DPYS: variants seen among roughly 807,000 people sequenced by gnomAD.
The protein encoded by DPYS is dihydropyrimidine amidohydrolase.
DPYS carries 39 observed loss-of-function variants against 50.3 expected under a neutral mutation model. The ratio of observed to expected loss-of-function variants is 0.78; its 90% CI spans 0.60 to 1.01. The LOEUF is 1.01. Among genes scored for constraint, DPYS ranks in the 50% least tolerant of loss-of-function variants. DPYS has a pLI of 0.00. For missense variants in DPYS, 659 were observed against 680.9 expected (o/e 0.97, Z 0.36); for synonymous variants, 245 against 250.7 (o/e 0.98, Z 0.22).
At position 104,381,076 on chromosome 8, in the gene DPYS, T is replaced by C. The variant is rs1588390183; in HGVS notation, c.*14+108A>G. 2.7e-5 allele frequency: 25 copies of C among 919,476 alleles called. No individual in the cohort carries two copies. The East Asian group carries it at 5.9e-4, about 22-fold the overall frequency. The allele number at this position is 919,476 out of a possible 1,614,324, so 57.0% of individuals were successfully genotyped here. A position where few individuals can be genotyped will look rare whatever the true frequency, so the allele number is the denominator to read the frequency against. ...CCTTGGCTCAATTGTCCTTGAGTCT[T>C]GGATCACTGTGAAGCCTCTGACCTT... is the stretch of plus-strand genomic sequence containing the variant. On this transcript the variant is annotated intron_variant, in intron 9 of 9. Transcript: ENST00000351513.
intron 7 of DPYS, among the ~76,000 whole-genome samples, chr8:104,401,708 T>G (rs960991420): frequency 6.6e-6 from 1 of 152,200 alleles, no homozygotes; most frequent in Admixed American, 6.5e-5. Context: ...GAAGACTTTT[T>G]CTAAGTGTGT....
Position 104,447,351 on chromosome 8 carries a change from A to G in DPYS, c.576T>C (p.His192=), listed in dbSNP as rs772116966. 3 of 1,614,012 alleles carry G rather than the reference A, an allele frequency of 1.9e-6. No individual in the cohort carries two copies. Among genetic ancestry groups the G allele is most frequent in the African/African-American group, 2.7e-5 (2 of 74,924 alleles). Residue 192 remains histidine, a synonymous_variant, in exon 3 of 10, where the codon CAT becomes CAC. Transcript: ENST00000351513. ...CTGCAATTAAGTCTCCATTTTCCGC[A>G]TGGACCTGGGCAATTGCTCCAATTT... The part of the protein sequence containing the change: ...CKEIGAIAQV[H]AENGDLIAEG...
chr8:104,463,959 G>A (rs891891496), intron 1 of DPYS, among the ~76,000 whole-genome samples: 4 of 152,162 alleles, frequency 2.6e-5, no homozygotes, highest in Non-Finnish European at 5.9e-5. Context: ...CTGTTTCGGG[G>A]GGTGGGAGTG....
chr8:104,405,626 G>A (rs1375370527), intron 7 of DPYS, among the ~76,000 whole-genome samples: 1 of 152,202 alleles, frequency 6.6e-6, no homozygotes, highest in East Asian at 1.9e-4. Context: ...TGTATGGTTT[G>A]AGCTTTGGCC....
chr8:104,466,096 C>T (rs1246440062), intron 1 of DPYS, among the ~76,000 whole-genome samples: 1 of 152,088 alleles, frequency 6.6e-6, no homozygotes, highest in Non-Finnish European at 1.5e-5. Context: ...GGGACGGGAA[C>T]GTGAACACGG....
chr8:104,427,795 C>T (rs942001752), intron 6 of DPYS, among the ~76,000 whole-genome samples, 185 bp downstream of exon 6: 11 of 152,180 alleles, frequency 7.2e-5, no homozygotes, highest in African/African-American at 2.4e-4. Context: ...AAGATTATTT[C>T]TTTGCTGATG....
Position 104,429,603 on chromosome 8 carries a change from C to A in DPYS, c.892G>T (p.Gly298Cys). ...GAGGGGTCTGGTCGCAAAGGTGGACCCATGACATGGTGGGCTGCATGGTGC... is the reference window on the plus strand; with the variant it reads ...GAGGGGTCTGGTCGCAAAGGTGGACACATGACATGGTGGGCTGCATGGTGC... ...EWHHAAHHVM[G>C]PPLRPDPSTP... is the part of the protein sequence containing the mutation. The change falls in exon 5 of 10, where the codon GGT (glycine) becomes TGT (cysteine). Residue 298 changes from glycine (G) to cysteine (C), a missense_variant. Coordinates refer to ENST00000351513, the MANE Select transcript of DPYS (RefSeq NM_001385.3). The A allele has an allele frequency of 6.2e-7, 1 of 1,614,036 alleles. No individual in the cohort carries two copies. Among genetic ancestry groups the A allele is most frequent in the Non-Finnish European group, 8.5e-7 (1 of 1,179,994 alleles).
intron 7 of DPYS, among the ~76,000 whole-genome samples, chr8:104,393,845 G>T (rs140236989): frequency 1.3e-5 from 2 of 152,124 alleles, no homozygotes; most frequent in African/African-American, 4.8e-5. Flanking sequence ...GGAACAGGTG[G>T]TATTTGGTTA....
At chr8:104,432,304 G>A (rs1456750576) in intron 4 of DPYS, among the ~76,000 whole-genome samples, 1 of 152,182 alleles carries the variant, frequency 6.6e-6, no homozygotes, top group East Asian at 1.9e-4. Flanking sequence ...AGATTTCCCA[G>A]TAATGAAGCA....
At chr8:104,416,735 C>A (rs1360212338) in intron 7 of DPYS, among the ~76,000 whole-genome samples, 1 of 152,082 alleles carries the variant, frequency 6.6e-6, no homozygotes, top group Non-Finnish European at 1.5e-5. Flanking sequence ...TCAGAGGATA[C>A]ACAATGTGCA....
intron 8 of DPYS, among the ~76,000 whole-genome samples, chr8:104,388,416 C>T (rs961298420): frequency 6.6e-6 from 1 of 152,072 alleles, no homozygotes; most frequent in Non-Finnish European, 1.5e-5. Context: ...AATGTCTGTA[C>T]TTTCACATTT....
intron 7 of DPYS, among the ~76,000 whole-genome samples, chr8:104,411,468 G>C (rs144792899): frequency 9.7e-4 from 147 of 152,236 alleles, no homozygotes; most frequent in African/African-American, 3.5e-3. Context: ...TCCCTTCTCT[G>C]GTGAGAAGAA....
intron 4 of DPYS, among the ~76,000 whole-genome samples, chr8:104,438,349 C>G (rs1259708627): frequency 6.6e-6 from 1 of 152,116 alleles, no homozygotes; most frequent in Non-Finnish European, 1.5e-5. Flanking sequence ...CTTTTCTCAA[C>G]CTATTTTAAA....
Position 104,392,783 on chromosome 8 carries a change from C to A in DPYS, c.1443+1G>T, listed in dbSNP as rs201884363. ...GCAGTATCCCACTGTGGCACACTCA[C>A]CCGGTCTCGCTGCTTTATTCGTTTG... On this transcript the variant is annotated splice_donor_variant, in intron 8 of 9. Coordinates refer to ENST00000351513, the MANE Select transcript of DPYS (RefSeq NM_001385.3). LOFTEE classifies it high-confidence loss of function. 3 of 1,613,972 alleles carry A rather than the reference C, an allele frequency of 1.9e-6. No homozygotes were observed. Among genetic ancestry groups the A allele is most frequent in the African/African-American group, 1.3e-5 (1 of 74,920 alleles).
chr8:104,395,833 A>C (rs1811564533), intron 7 of DPYS, among the ~76,000 whole-genome samples: 2 of 122,234 alleles, frequency 1.6e-5, no homozygotes, highest in Non-Finnish European at 3.5e-5. Context: ...GTCATATTTT[A>C]AGTGTATGCT....
intron 7 of DPYS, among the ~76,000 whole-genome samples, chr8:104,408,750 G>C (rs2140565482): frequency 6.6e-6 from 1 of 151,740 alleles, no homozygotes; most frequent in South Asian, 2.1e-4. Flanking sequence ...CATGCTGTCA[G>C]ACAGAGTGCC....
At chr8:104,427,534 C>T (rs1812772700) in intron 6 of DPYS, among the ~76,000 whole-genome samples, 1 of 151,934 alleles carries the variant, frequency 6.6e-6, no homozygotes, top group Non-Finnish European at 1.5e-5. Context: ...CTGCCTTGGC[C>T]TCCCAAAGTG....
At chr8:104,415,331 C>T (rs1812328334) in intron 7 of DPYS, among the ~76,000 whole-genome samples, 1 of 152,204 alleles carries the variant, frequency 6.6e-6, no homozygotes, top group Non-Finnish European at 1.5e-5. Context: ...AAATAAACTG[C>T]TTACTCTGGC....
chr8:104,405,659 A>G (rs1028910340), intron 7 of DPYS, among the ~76,000 whole-genome samples: 1 of 152,258 alleles, frequency 6.6e-6, no homozygotes, highest in African/African-American at 2.4e-5. Flanking sequence ...GTCTGCTTCT[A>G]GGAAGCACAA....
Sources: allele counts gnomAD v4.1 joint callset (sites outside exome capture counted in the v4.1 genomes callset), GRCh38; gene constraint gnomAD v4.1.1; transcripts MANE v1.5; gene names NCBI Gene and HGNC (gene_info 2026-07-23, HGNC 2026-07-21).